Variants in GPR143 observed in about 807,000 individuals in gnomAD.
The protein encoded by GPR143 is G-protein coupled receptor 143.
Under a neutral mutation model 27.6 loss-of-function variants are expected in GPR143, and 8 were observed. The observed-to-expected ratio is 0.29, with a 90% CI of 0.17 to 0.52. The LOEUF (loss-of-function observed/expected upper bound fraction) is 0.52, where lower values mean the gene tolerates loss of function less well. Ranked by LOEUF, GPR143 falls within the 20% of genes least tolerant of loss-of-function variation. GPR143 has a pLI of 0.96. For missense variants in GPR143, 303 were observed against 343.1 expected, an observed-to-expected ratio of 0.88 and a Z score of 0.92; for synonymous variants, 156 against 153.2, an observed-to-expected ratio of 1.02 and a Z score of -0.13.
chrX:9,746,214 A>G, intron 4 of GPR143, 61 bp from the exon 5 acceptor site: 1 of 654,132 alleles, frequency 1.5e-6, no homozygotes, highest in East Asian at 3.2e-5. Flanking sequence ...AAAGACATCT[A>G]CTTATCTGGA....
chrX:9,760,742 G>T lies in GPR143; in HGVS notation c.335C>A (p.Pro112His). 8.4e-7 allele frequency: 1 copy of T among 1,192,870 alleles called. No homozygotes were observed. Among genetic ancestry groups the T allele is most frequent in the African/African-American group, 1.7e-5 (1 of 57,562 alleles). Residue 112 changes from proline to histidine, a missense_variant, in exon 2 of 9, where the codon CCT (proline) becomes CAT (histidine). Coordinates refer to ENST00000467482, the MANE Select transcript of GPR143 (RefSeq NM_000273.3). ...CGCACTCCCCACGCAGAAAGCAGCA[G>T]GCCAAATTTCCGTGTGGTTCATATC... ...VSDMNHTEIWPAAFCVGSAMW... is the reference protein window; with the variant it reads ...VSDMNHTEIWHAAFCVGSAMW...
chrX:9,753,798 C>T (rs2083462217), intron 3 of GPR143, among the ~76,000 whole-genome samples: 2 of 111,978 alleles, frequency 1.8e-5, no homozygotes, highest in African/African-American at 6.5e-5. Flanking sequence ...AATGCTCAGT[C>T]CCACCTGGGA....
At chrX:9,760,240 C>T (rs938871578) in intron 2 of GPR143, among the ~76,000 whole-genome samples, 2 of 110,653 alleles carry the variant, frequency 1.8e-5, no homozygotes, top group South Asian at 3.9e-4. Flanking sequence ...CATGGGCACA[C>T]ACCACCACGC....
chrX:9,777,609 C>A (rs1003620129), intron 1 of GPR143, among the ~76,000 whole-genome samples: 11 of 110,458 alleles, frequency 1.0e-4, no homozygotes, highest in African/African-American at 3.6e-4. Context: ...CTTTTAGAGA[C>A]CCTGTCTCAA....
chrX:9,728,275 C>T (rs2083337425), intron 8 of GPR143, among the ~76,000 whole-genome samples: 2 of 109,882 alleles, frequency 1.8e-5, no homozygotes, highest in Admixed American at 2.0e-4. Flanking sequence ...GGTGCCTTGA[C>T]AGCAACGGGA....
At chrX:9,776,970 T>C (rs1459632561) in intron 1 of GPR143, among the ~76,000 whole-genome samples, 1 of 111,787 alleles carries the variant, frequency 8.9e-6, no homozygotes, top group Non-Finnish European at 1.9e-5. Flanking sequence ...ATGAGCCAGA[T>C]GGTAAATTCT....
At chrX:9,746,231 G>A in intron 4 of GPR143, 78 bp from the exon 5 acceptor site, 1 of 591,226 alleles carries the variant, frequency 1.7e-6, no homozygotes, top group South Asian at 2.3e-5. Flanking sequence ...TGGAAGTCAA[G>A]ATAAGAGGAT....
intron 7 of GPR143, among the ~76,000 whole-genome samples, chrX:9,740,624 G>A (rs2083398787): frequency 9.0e-6 from 1 of 111,407 alleles, no homozygotes; most frequent in South Asian, 3.7e-4. Context: ...TTCTGTACTT[G>A]TAATTGGTAT....
intron 8 of GPR143, among the ~76,000 whole-genome samples, chrX:9,731,894 GA>G (rs2083356037): frequency 9.0e-6 from 1 of 110,573 alleles, no homozygotes; most frequent in African/African-American, 3.3e-5. Flanking sequence ...AGAGTTATGG[GA>G]AAGTGATGAA....
chrX:9,731,088 G>T (rs184688015), intron 8 of GPR143, among the ~76,000 whole-genome samples: 1 of 111,944 alleles, frequency 8.9e-6, no homozygotes, highest in South Asian at 3.7e-4. Flanking sequence ...TGCTCTGAGA[G>T]AATACTTATT....
intron 6 of GPR143, among the ~76,000 whole-genome samples, chrX:9,741,840 C>CTA (rs1227091206): frequency 8.9e-6 from 1 of 112,195 alleles, no homozygotes; most frequent in Non-Finnish European, 1.9e-5. Flanking sequence ...CTGCAGTGAG[C>CTA]TATGAATGTG....
upstream of GPR143, among the ~76,000 whole-genome samples, chrX:9,770,358 G>GAGAGAGAGAGAGAGAGAGAGAGAGAGA (rs1569127514): frequency 9.1e-5 from 7 of 76,592 alleles, no homozygotes; most frequent in African/African-American, 3.9e-4. Flanking sequence ...AGAGAGAGAG[G>GAGAGAGAGAGAGAGAGAGAGAGAGAGA]AAGACCAGCC....
intron 3 of GPR143, among the ~76,000 whole-genome samples, chrX:9,753,975 C>T (rs906667729): frequency 3.0e-4 from 34 of 111,618 alleles, no homozygotes; most frequent in Admixed American, 3.0e-3. Context: ...GAGTTGAGGC[C>T]GCAGCCTTCC....
At chrX:9,764,530 A>G (rs2083518765) in intron 1 of GPR143, among the ~76,000 whole-genome samples, 1 of 108,441 alleles carries the variant, frequency 9.2e-6, no homozygotes, top group South Asian at 4.0e-4. Context: ...ACACACACAC[A>G]CACACACACA....
In GPR143 at chrX:9,765,782, G is replaced by C. The variant is rs1455721497; in HGVS notation, c.36C>G (p.Pro12=). The C allele has an allele frequency of 1.1e-5, 12 of 1,123,329 alleles. No homozygotes were observed. The highest frequency in any genetic ancestry group is 1.4e-5 in the Non-Finnish European group (12 of 855,704). The allele number at this position is 1,123,329 out of a possible 1,213,427, so 92.6% of individuals were successfully genotyped here. Residue 12 remains proline (P), a synonymous_variant, in exon 1 of 9, where the codon CCC becomes CCG. Transcript: ENST00000467482. ...CGAGCTGCGTGGCTGCGTCCCGCGT[G>C]GGGCAGCAGAAGGTCCCTAGGCGCG... The part of the protein sequence containing the change: ...ASPRLGTFCC[P]TRDAATQLVL...
At chrX:9,752,138 A>G (rs180737598) in intron 3 of GPR143, among the ~76,000 whole-genome samples, 1 of 112,717 alleles carries the variant, frequency 8.9e-6, no homozygotes, top group East Asian at 2.8e-4. Flanking sequence ...GCACAATGAT[A>G]GCTCACAGTA....
At chrX:9,737,157 C>T (rs1205725250) in intron 8 of GPR143, among the ~76,000 whole-genome samples, 1 of 111,441 alleles carries the variant, frequency 9.0e-6, no homozygotes, top group Admixed American at 9.5e-5. Context: ...AAAACACACA[C>T]ACAAAACCAA....
chrX:9,760,903 T>TA, intron 1 of GPR143, 77 bp from the exon 2 acceptor site: 2 of 549,924 alleles, frequency 3.6e-6, no homozygotes. Context: ...GGAAAAATGA[T>TA]AGATACATAA....
intron 1 of GPR143, among the ~76,000 whole-genome samples, chrX:9,773,523 G>A (rs1255303966): frequency 5.6e-5 from 6 of 107,409 alleles, no homozygotes; most frequent in African/African-American, 1.7e-4. Context: ...AAACACACAC[G>A]CACACACATA....
Sources: allele counts gnomAD v4.1 joint callset (sites outside exome capture counted in the v4.1 genomes callset), GRCh38; gene constraint gnomAD v4.1.1; transcripts MANE v1.5; gene names NCBI Gene and HGNC (gene_info 2026-07-23, HGNC 2026-07-21).